GYS2: variants seen among roughly 807,000 people sequenced by gnomAD.
GYS2 encodes glycogen synthase 2, also known as glycogen [starch] synthase, liver.
In GYS2, 80 loss-of-function variants were observed where a neutral mutation model predicts 85.6. The ratio of observed to expected loss-of-function variants is 0.93; its 90% confidence interval spans 0.78 to 1.13. The LOEUF (loss-of-function observed/expected upper bound fraction) is 1.13. GYS2 is among the 50% of genes most tolerant of loss of function. The probability of loss-of-function intolerance (pLI) is 0.00; values close to 1 mark genes in which losing one functional copy is unlikely to be tolerated. For missense variants in GYS2, 881 were observed against 854.9 expected, an observed-to-expected ratio of 1.03 and a Z score of -0.38; for synonymous variants, 328 against 300.7, an observed-to-expected ratio of 1.09 and a Z score of -0.94.
At chr12:21,554,860 C>T (rs1944158868) in intron 11 of GYS2, among the ~76,000 whole-genome samples, 2 of 152,124 alleles carry the variant, frequency 1.3e-5, no homozygotes. Context: ...TGATGCAAAA[C>T]ACTTTTAAAA....
At chr12:21,537,414 C>T (rs1422052298) in intron 15 of GYS2, 3 of 527,962 alleles carry the variant, frequency 5.7e-6, no homozygotes, top group Non-Finnish European at 1.0e-5. Context: ...ATATTATTAT[C>T]ATCTTATCTT....
At chr12:21,559,774 G>T (rs1052738509) in intron 8 of GYS2, 64 bp from the exon 9 acceptor site, 2 of 1,006,934 alleles carry the variant, frequency 2.0e-6, no homozygotes, top group Non-Finnish European at 3.2e-6. Flanking sequence ...TATTTGTCAC[G>T]ATAATGCTAT....
chr12:21,591,533 A>T (rs1944638854), intron 1 of GYS2, among the ~76,000 whole-genome samples: 1 of 152,224 alleles, frequency 6.6e-6, no homozygotes, highest in African/African-American at 2.4e-5. Context: ...GCAGTTTCCC[A>T]GAAGGTAAAG....
At chr12:21,584,730 T>G (rs1944553910) in intron 1 of GYS2, among the ~76,000 whole-genome samples, 1 of 152,196 alleles carries the variant, frequency 6.6e-6, no homozygotes, top group African/African-American at 2.4e-5. Flanking sequence ...CTCACTGGAA[T>G]AGACACTTAC....
rs1944418329 is a variant in GYS2, at chr12:21,574,202, G to A, written c.620C>T (p.Thr207Ile). The A allele has an allele frequency of 6.2e-7, 1 of 1,612,630 alleles. No homozygotes were observed. Among genetic ancestry groups the A allele is most frequent in the Non-Finnish European group, 8.5e-7 (1 of 1,178,718 alleles). Reference sequence around the variant, plus strand: ...TGCACAGAGATACCTCCCAAGTAGTGTAGCGTGGGTTGTAAATATTGTGGC... The same window carrying A: ...TGCACAGAGATACCTCCCAAGTAGTATAGCGTGGGTTGTAAATATTGTGGC... ...PIATIFTTHA[T>I]LLGRYLCAAN... Residue 207 changes from threonine (T) to isoleucine (I), a missense_variant, in exon 4 of 16, where the codon ACA (threonine) becomes ATA (isoleucine). Transcript: ENST00000261195.
At chr12:21,543,423 A>G (rs1463936179) in intron 12 of GYS2, among the ~76,000 whole-genome samples, 3 of 152,254 alleles carry the variant, frequency 2.0e-5, no homozygotes, top group South Asian at 2.1e-4. Flanking sequence ...GATGGGGACT[A>G]TCAGCCCTTT....
intron 2 of GYS2, among the ~76,000 whole-genome samples, chr12:21,578,676 A>G (rs1944473532): frequency 6.6e-6 from 1 of 152,034 alleles, no homozygotes; most frequent in Non-Finnish European, 1.5e-5. Context: ...TGAATTCTTC[A>G]TTAACTTGTA....
At chr12:21,553,705 G>T (rs569754325) in intron 11 of GYS2, among the ~76,000 whole-genome samples, 1 of 152,068 alleles carries the variant, frequency 6.6e-6, no homozygotes, top group Non-Finnish European at 1.5e-5. Flanking sequence ...GAATGGAAAG[G>T]TTGCTGAATA....
chr12:21,533,912 G>A (rs1414467813), downstream of GYS2, among the ~76,000 whole-genome samples: 1 of 152,168 alleles, frequency 6.6e-6, no homozygotes, highest in African/African-American at 2.4e-5. Context: ...ATTTCTCATA[G>A]ATGGCGCTTT....
intron 11 of GYS2, among the ~76,000 whole-genome samples, chr12:21,557,294 C>G (rs1944192168): frequency 6.6e-6 from 1 of 152,090 alleles, no homozygotes; most frequent in African/African-American, 2.4e-5. Flanking sequence ...AAAACCATGC[C>G]TGGAATACAG....
At chr12:21,571,728 T>G (rs1330806270) in intron 4 of GYS2, among the ~76,000 whole-genome samples, 2 of 152,022 alleles carry the variant, frequency 1.3e-5, no homozygotes, top group Non-Finnish European at 2.9e-5. Flanking sequence ...TTTGGGAGGC[T>G]GAGGCGGGCG....
chr12:21,590,674 G>A (rs983470131), intron 1 of GYS2, among the ~76,000 whole-genome samples: 1 of 152,132 alleles, frequency 6.6e-6, no homozygotes, highest in Admixed American at 6.6e-5. Flanking sequence ...GAAGGCCAAA[G>A]AATCAACCCA....
chr12:21,603,617 A>G (rs1490718119), intron 1 of GYS2, among the ~76,000 whole-genome samples: 2 of 152,114 alleles, frequency 1.3e-5, no homozygotes, highest in African/African-American at 2.4e-5. Flanking sequence ...TAAATCACAC[A>G]AGTCATCACT....
At position 21,589,166 on chromosome 12, in the gene GYS2, G is replaced by C. The variant is rs568213281; in HGVS notation, c.122-8643C>G. Among the ~76,000 whole-genome samples the C allele has an allele frequency of 5.6e-4, 85 of 152,244 alleles. No homozygotes were observed. In the South Asian group the frequency reaches 9.5e-3, roughly 17 times the overall value. On this transcript the variant is annotated intron_variant, in intron 1 of 15. Transcript: ENST00000261195. Reference sequence around the variant, plus strand: ...CAGAGATCTTAAAACATCCTTGTTTGTTAGATTACGTATTTCAAATTCATA... The same window carrying C: ...CAGAGATCTTAAAACATCCTTGTTTCTTAGATTACGTATTTCAAATTCATA...
intron 11 of GYS2, among the ~76,000 whole-genome samples, chr12:21,557,806 G>A (rs2136871146): frequency 6.6e-6 from 1 of 152,218 alleles, no homozygotes; most frequent in East Asian, 1.9e-4. Flanking sequence ...GGCTGAGGCA[G>A]GAGAATGGTG....
chr12:21,561,573 A>G (rs1394634093), intron 7 of GYS2, among the ~76,000 whole-genome samples: 1 of 152,206 alleles, frequency 6.6e-6, no homozygotes, highest in African/African-American at 2.4e-5. Flanking sequence ...GTTATCTTTT[A>G]TGTCTAGTAT....
Position 21,592,140 on chromosome 12 carries a change from T to TAAGAAAGA in GYS2, c.122-11625_122-11618dup, listed in dbSNP as rs57387746. 1.3e-3 allele frequency among the ~76,000 whole-genome samples: 112 copies of TAAGAAAGA among 87,246 alleles called. 1 individual carries two copies. The South Asian group carries it at 0.022, about 17-fold the overall frequency. The allele number at this position is 87,246 out of a possible 152,430, so 57.2% of individuals were successfully genotyped here. A position where few individuals can be genotyped will look rare whatever the true frequency, so the allele number is the denominator to read the frequency against. Reference sequence around the variant, plus strand: ...ATCACCAAACCACAATCATAAATAATAAGAAAGAAAGAAAGAAAGAAAGAG... The same window carrying TAAGAAAGA: ...ATCACCAAACCACAATCATAAATAATAAGAAAGAAAGAAAGAAAGAAAGAAAGAAAGAG... On this transcript the variant is annotated intron_variant, in intron 1 of 15. Transcript: ENST00000261195.
chr12:21,563,360 C>T lies in GYS2; in HGVS notation c.824-15G>A. The stretch of plus-strand genomic sequence containing the variant: ...AGTAACTACATCTAGAAAGGCAAAA[C>T]AAAATTATTATGAAAATTCTCTTTT... On this transcript the variant is annotated splice_polypyrimidine_tract_variant and intron_variant, in intron 5 of 15. Transcript: ENST00000261195. 8.0e-7 allele frequency: 1 copy of T among 1,256,790 alleles called. No homozygotes were observed. The highest frequency in any genetic ancestry group is 1.2e-5 in the South Asian group (1 of 83,884). The allele number at this position is 1,256,790 out of a possible 1,614,324, so 77.9% of individuals were successfully genotyped here. A position where few individuals can be genotyped will look rare whatever the true frequency, so the allele number is the denominator to read the frequency against.
chr12:21,575,747 G>C (rs1017585182), intron 3 of GYS2, 119 bp downstream of exon 3: 22 of 805,722 alleles, frequency 2.7e-5, no homozygotes, highest in African/African-American at 2.2e-4. Context: ...AATTGTATTA[G>C]GACAAGCCAT....
Sources: gnomAD v4.1 joint callset for allele counts (sites outside exome capture counted in the v4.1 genomes callset) on GRCh38, gnomAD v4.1.1 for gene constraint, MANE v1.5 for transcripts, NCBI Gene and HGNC (gene_info 2026-07-23, HGNC 2026-07-21) for gene names.